Variants in USP9Y observed in about 807,000 individuals in gnomAD.
USP9Y encodes the protein ubiquitin specific peptidase 9 Y-linked.
Under a neutral mutation model 53.1 loss-of-function variants are expected in USP9Y, and 41 were observed. The observed-to-expected ratio is 0.77, with a 90% CI of 0.60 to 1.00. The LOEUF (loss-of-function observed/expected upper bound fraction) is 1.00, where lower values mean the gene tolerates loss of function less well. USP9Y is among the 50% of genes least tolerant of loss of function. The pLI, the probability that USP9Y is intolerant of heterozygous loss-of-function variation, is 0.00. For missense variants in USP9Y, 567 were observed against 535.8 expected (o/e 1.06, Z -0.58); for synonymous variants, 220 against 173.7 (o/e 1.27, Z -2.09).
chrY:12,830,497 C>A, intron 33 of USP9Y, among the ~76,000 whole-genome samples: 1 of 33,594 alleles, frequency 3.0e-5, no homozygotes, highest in Non-Finnish European at 7.4e-5. Flanking sequence ...CAAAAAATAG[C>A]ACATTGTCAT....
At chrY:12,801,784 T>A in intron 27 of USP9Y, among the ~76,000 whole-genome samples, 1 of 33,987 alleles carries the variant, frequency 2.9e-5, no homozygotes, top group Non-Finnish European at 7.3e-5. Flanking sequence ...TCGTTACTTA[T>A]TTTAAAGTTA....
intron 21 of USP9Y, 120 bp downstream of exon 21, chrY:12,778,875 T>C: frequency 5.5e-6 from 1 of 181,467 alleles, no homozygotes; most frequent in Non-Finnish European, 9.6e-6. Context: ...AGTCAACTGT[T>C]AACTTCTGAG....
intron 5 of USP9Y, among the ~76,000 whole-genome samples, chrY:12,723,791 A>C: frequency 3.0e-5 from 1 of 33,117 alleles, no homozygotes; most frequent in Non-Finnish European, 7.4e-5. Context: ...TTGTTAGACA[A>C]ATTTTTAATT....
chrY:12,827,680 C>T, intron 33 of USP9Y, among the ~76,000 whole-genome samples: 1 of 33,681 alleles, frequency 3.0e-5, no homozygotes, highest in Non-Finnish European at 7.3e-5. Flanking sequence ...TACGCTAAGG[C>T]TGGGCGCGGT....
intron 7 of USP9Y, among the ~76,000 whole-genome samples, chrY:12,730,722 A>G: frequency 3.1e-5 from 1 of 32,701 alleles, no homozygotes; most frequent in Admixed American, 2.8e-4. Context: ...ACCTCAGGTA[A>G]TCTACCCACG....
chrY:12,749,897 A>G, intron 12 of USP9Y, among the ~76,000 whole-genome samples: 1 of 33,734 alleles, frequency 3.0e-5, no homozygotes, highest in African/African-American at 1.2e-4. Context: ...TTGAACTTCC[A>G]TATTGGTTTT....
At chrY:12,780,812 A>G in intron 22 of USP9Y, among the ~76,000 whole-genome samples, 3 of 33,173 alleles carry the variant, frequency 9.0e-5, no homozygotes, top group Admixed American at 8.3e-4. Context: ...TGTGTGTACT[A>G]AGTAATCAAC....
intron 27 of USP9Y, among the ~76,000 whole-genome samples, chrY:12,800,505 T>C: frequency 5.9e-5 from 2 of 33,979 alleles, no homozygotes; most frequent in Non-Finnish European, 1.5e-4. Context: ...TAATGACGTG[T>C]CCTTAGACAG....
At chrY:12,712,985 A>G in intron 3 of USP9Y, among the ~76,000 whole-genome samples, 1 of 32,438 alleles carries the variant, frequency 3.1e-5, no homozygotes, top group Non-Finnish European at 7.5e-5. Flanking sequence ...TTTCATTTTT[A>G]CGTAAGCTGT....
Position 12,845,273 on chromosome Y carries a change from G to C in USP9Y, c.6569-1060G>C, listed in dbSNP as rs749520240. 2.7e-4 allele frequency among the ~76,000 whole-genome samples: 9 copies of C among 33,288 alleles called. No individual in the cohort carries two copies. In the East Asian group the frequency reaches 6.3e-3, roughly 23 times the overall value. 89.3% of individuals were successfully genotyped at this position (33,288 alleles called of 37,273 possible). ...CGGCTGCTTTATATTAGGGAAACTG[G>C]CAGTATGGAAGACAGGTATGAACAG... On this transcript the variant is annotated intron_variant, in intron 39 of 45. Transcript: ENST00000338981.
intron 12 of USP9Y, among the ~76,000 whole-genome samples, chrY:12,753,426 G>A (rs2053465773): frequency 1.2e-4 from 4 of 33,206 alleles, no homozygotes; most frequent in Admixed American, 1.1e-3. Flanking sequence ...TTTTGCATTC[G>A]TATTTCTGAG....
chrY:12,844,500 G>C, intron 39 of USP9Y, among the ~76,000 whole-genome samples: 1 of 32,896 alleles, frequency 3.0e-5, no homozygotes, highest in Non-Finnish European at 7.5e-5. Context: ...GACTACATAT[G>C]AGATTCCTGG....
chrY:12,857,452 A>G, intron 44 of USP9Y, 114 bp from the exon 45 acceptor site: 1 of 189,756 alleles, frequency 5.3e-6, no homozygotes, highest in Non-Finnish European at 8.8e-6. Flanking sequence ...AAGATGTTAA[A>G]GAGGCCAGCT....
intron 24 of USP9Y, among the ~76,000 whole-genome samples, chrY:12,787,052 C>T: frequency 3.0e-5 from 1 of 33,225 alleles, no homozygotes; most frequent in Non-Finnish European, 7.4e-5. Flanking sequence ...TCATTTTTTA[C>T]TTTCAGTTGT....
At chrY:12,722,265 T>G in intron 5 of USP9Y, 78 bp downstream of exon 5, 2 of 268,198 alleles carry the variant, frequency 7.5e-6, no homozygotes, top group Non-Finnish European at 1.2e-5. Flanking sequence ...TTTTCATCCC[T>G]CTGTTATAAA....
intron 33 of USP9Y, among the ~76,000 whole-genome samples, chrY:12,826,913 T>C (rs2053546990): frequency 3.0e-5 from 1 of 32,792 alleles, no homozygotes; most frequent in Non-Finnish European, 7.5e-5. Context: ...AGGAATATTA[T>C]TCTTGAGATA....
chrY:12,713,540 A>G, intron 3 of USP9Y, among the ~76,000 whole-genome samples: 1 of 32,139 alleles, frequency 3.1e-5, no homozygotes, highest in Non-Finnish European at 7.5e-5. Flanking sequence ...GCAAGTTTCT[A>G]TTTCTCCACT....
At chrY:12,795,234 AT>A (rs2053511928) in intron 27 of USP9Y, among the ~76,000 whole-genome samples, 1 of 33,674 alleles carries the variant, frequency 3.0e-5, no homozygotes, top group Non-Finnish European at 7.4e-5. Flanking sequence ...AAAACAACTA[AT>A]TTTTTTATAT....
chrY:12,715,885 CTT>C (rs2053430016), intron 3 of USP9Y, among the ~76,000 whole-genome samples: 2 of 33,531 alleles, frequency 6.0e-5, no homozygotes, highest in African/African-American at 1.2e-4. Context: ...ATTAATGCCT[CTT>C]TTATTTTTAA....
Sources: gnomAD v4.1 joint callset for allele counts (sites outside exome capture counted in the v4.1 genomes callset) on GRCh38, gnomAD v4.1.1 for gene constraint, MANE v1.5 for transcripts, NCBI Gene and HGNC (gene_info 2026-07-23, HGNC 2026-07-21) for gene names.